WT1: variants seen among roughly 807,000 people sequenced by gnomAD.
WT1 encodes WT1 transcription factor.
WT1 carries 8 observed loss-of-function variants against 60.8 expected under a neutral mutation model. That is an observed-to-expected ratio of 0.13 (90% CI 0.08 to 0.24). WT1 has a LOEUF of 0.24. WT1 is among the 10% of genes least tolerant of loss of function. WT1 has a pLI of 1.00. For synonymous variants in WT1, 312 were observed against 297.1 expected, an observed-to-expected ratio of 1.05 and a Z score of -0.52; for missense variants, 568 against 711.8, an observed-to-expected ratio of 0.80 and a Z score of 2.30.
chr11:32,434,037 G>A (rs5030142), intron 1 of WT1, among the ~76,000 whole-genome samples: 3 of 151,936 alleles, frequency 2.0e-5, no homozygotes, highest in Admixed American at 2.0e-4. Context: ...CCGCCTGAGC[G>A]AAGCCCAGTG....
chr11:32,417,590 C>G lies in WT1; in HGVS notation c.952G>C (p.Ala318Pro), dbSNP rs1362652506. The G allele has an allele frequency of 1.9e-6, 3 of 1,613,976 alleles. No individual in the cohort carries two copies. Among genetic ancestry groups the G allele is most frequent in the Non-Finnish European group, 2.5e-6 (3 of 1,179,906 alleles). Reference sequence around the variant, plus strand: ...AGAAAACCTTACCCCTTTAAGGTGGCTCCTAAGTTCATCTGATTCCAGGTC... The same window carrying G: ...AGAAAACCTTACCCCTTTAAGGTGGGTCCTAAGTTCATCTGATTCCAGGTC... Residue 318 changes from alanine (A) to proline (P), a missense_variant, in exon 4 of 10, where the codon GCC (alanine) becomes CCC (proline). Coordinates refer to ENST00000452863, the MANE Select transcript of WT1 (RefSeq NM_024426.6).
rs747197306 is a variant in WT1, at chr11:32,389,057, C to T, written c.*1G>A. 2.5e-6 allele frequency: 4 copies of T among 1,614,088 alleles called. No homozygotes were observed. In the African/African-American group the frequency reaches 4.0e-5, roughly 16 times the overall value. On this transcript the variant is annotated 3_prime_UTR_variant, in exon 10 of 10. Transcript: ENST00000452863. ...ACTGAACGGTCCCCGAGGGAGACCCCTCAAAGCGCCAGCTGGAGTTTGGTC... is the reference window on the plus strand; with the variant it reads ...ACTGAACGGTCCCCGAGGGAGACCCTTCAAAGCGCCAGCTGGAGTTTGGTC...
chr11:32,401,778 G>T (rs1179952145), intron 5 of WT1, among the ~76,000 whole-genome samples: 1 of 152,168 alleles, frequency 6.6e-6, no homozygotes, highest in Non-Finnish European at 1.5e-5. Context: ...GGCCTTAAAT[G>T]ATCCACCCAT....
At chr11:32,432,771 A>C (rs1172532066) in intron 1 of WT1, among the ~76,000 whole-genome samples, 1 of 152,218 alleles carries the variant, frequency 6.6e-6, no homozygotes, top group African/African-American at 2.4e-5. Flanking sequence ...ATAAGATCCC[A>C]GGCACCAGAC....
At chr11:32,427,536 G>A (rs1316051707) in intron 3 of WT1, among the ~76,000 whole-genome samples, 1 of 152,190 alleles carries the variant, frequency 6.6e-6, no homozygotes, top group African/African-American at 2.4e-5. Context: ...AGAAGGCTGT[G>A]GCCAAGGCTG....
At chr11:32,420,641 A>T (rs149158270) in intron 3 of WT1, among the ~76,000 whole-genome samples, 1 of 152,076 alleles carries the variant, frequency 6.6e-6, no homozygotes, top group Non-Finnish European at 1.5e-5. Context: ...CCCTGCCCCT[A>T]TGAAGGCATC....
rs1590338798 is a variant in WT1, at chr11:32,396,325, G to A, written c.1196C>T (p.Ala399Val). ...ATATCTCTTATTGCAGCCTGGGTAA[G>A]CACACATGAAGGGGCGTTTCTCACT... The change falls in exon 7 of 10, where the codon GCT (alanine) becomes GTT (valine). Residue 399 changes from alanine (A) to valine (V), a missense_variant. Ala to Val is a moderately conservative substitution (Grantham distance 64). Coordinates refer to ENST00000452863, the MANE Select transcript of WT1 (RefSeq NM_024426.6). The A allele has an allele frequency of 6.2e-7, 1 of 1,614,164 alleles. No homozygotes were observed. Among genetic ancestry groups the A allele is most frequent in the Non-Finnish European group, 8.5e-7 (1 of 1,180,036 alleles).
At chr11:32,434,624 A>T (rs2133100564) in intron 1 of WT1, 76 bp downstream of exon 1, 1 of 1,606,852 alleles carries the variant, frequency 6.2e-7, no homozygotes, top group South Asian at 1.1e-5. Flanking sequence ...AAGGGGTAGG[A>T]GAGGGGGGTG....
chr11:32,409,426 C>A (rs1852425325), intron 5 of WT1, among the ~76,000 whole-genome samples: 1 of 151,858 alleles, frequency 6.6e-6, no homozygotes, highest in South Asian at 2.1e-4. Flanking sequence ...TTACATATGA[C>A]AAGCAAAATA....
At chr11:32,391,316 T>C (rs1851810848) in intron 9 of WT1, among the ~76,000 whole-genome samples, 1 of 152,218 alleles carries the variant, frequency 6.6e-6, no homozygotes, top group Admixed American at 6.5e-5. Flanking sequence ...GTTGTGAAGA[T>C]AGACTTAGAT....
intron 3 of WT1, among the ~76,000 whole-genome samples, chr11:32,426,853 C>A (rs1199264260): frequency 6.6e-6 from 1 of 152,178 alleles, no homozygotes; most frequent in Non-Finnish European, 1.5e-5. Flanking sequence ...CCTGGGGCTG[C>A]GCCTCGCTCC....
At chr11:32,413,844 GC>G (rs1158940034) in intron 5 of WT1, among the ~76,000 whole-genome samples, 1 of 152,138 alleles carries the variant, frequency 6.6e-6, no homozygotes, top group Non-Finnish European at 1.5e-5. Flanking sequence ...CTAATCTAGG[GC>G]CCAGGTCCTG....
chr11:32,399,616 G>A (rs1274006523), intron 6 of WT1, among the ~76,000 whole-genome samples: 1 of 152,186 alleles, frequency 6.6e-6, no homozygotes, highest in Non-Finnish European at 1.5e-5. Flanking sequence ...AGAAGTCAAA[G>A]GTCCAAGCGG....
intron 5 of WT1, among the ~76,000 whole-genome samples, chr11:32,414,256 C>T (rs1372788132): frequency 6.6e-6 from 1 of 152,106 alleles, no homozygotes; most frequent in Non-Finnish European, 1.5e-5. Flanking sequence ...GAGAAATATA[C>T]ATATATATTG....
rs56142321 is a variant in WT1, at chr11:32,399,142, C to A, written c.1113+806G>T. On this transcript the variant is annotated intron_variant, in intron 6 of 9. Transcript: ENST00000452863. ...CTGTACTCCAGCCTGGGTGACAGAG[C>A]GAGACTCCCATCTCAAAAAAAAAAA... Among the ~76,000 whole-genome samples the A allele has an allele frequency of 9.7e-5, 13 of 133,374 alleles. No individual in the cohort carries two copies. In the East Asian group the frequency reaches 2.4e-3, roughly 24 times the overall value. The allele number at this position is 133,374 out of a possible 152,430, so 87.5% of individuals were successfully genotyped here.
intron 5 of WT1, among the ~76,000 whole-genome samples, chr11:32,411,855 G>T (rs1182112635): frequency 6.6e-6 from 1 of 152,076 alleles, no homozygotes; most frequent in Non-Finnish European, 1.5e-5. Flanking sequence ...CAGACCTCAG[G>T]CCAAGTCCAA....
chr11:32,427,850 A>G, intron 3 of WT1, 106 bp downstream of exon 3: 2 of 1,036,618 alleles, frequency 1.9e-6, no homozygotes, highest in Non-Finnish European at 1.4e-6. Context: ...AAGACCCTGC[A>G]TGCCCGCAGT....
chr11:32,416,097 G>A (rs1456718900), intron 5 of WT1, among the ~76,000 whole-genome samples: 1 of 152,170 alleles, frequency 6.6e-6, no homozygotes, highest in Non-Finnish European at 1.5e-5. Flanking sequence ...CTTAGGGTAA[G>A]TTCTCCCTGA....
At position 32,435,407 on chromosome 11, in the gene WT1, C is replaced by G. The variant is rs2133108550; in HGVS notation, c.-47G>C. 7 of 867,080 alleles carry G rather than the reference C, an allele frequency of 8.1e-6. No homozygotes were observed. The highest frequency in any genetic ancestry group is 1.1e-5 in the Non-Finnish European group (7 of 652,112). The allele number at this position is 867,080 out of a possible 1,614,324, so 53.7% of individuals were successfully genotyped here. On this transcript the variant is annotated 5_prime_UTR_variant, in exon 1 of 10. Transcript: ENST00000452863. ...GGGCCCGGGCGCCTGGGCTGCCGTC[C>G]CGGCTCTGGGTGGGTGGGTGGGTGA...
Sources: allele counts gnomAD v4.1 joint callset (sites outside exome capture counted in the v4.1 genomes callset), GRCh38; gene constraint gnomAD v4.1.1; transcripts MANE v1.5; gene names NCBI Gene and HGNC (gene_info 2026-07-23, HGNC 2026-07-21).